Variants in CALN1 observed in about 807,000 individuals in gnomAD.
CALN1 encodes the protein calcium-binding protein 8.
Under a neutral mutation model 30.6 loss-of-function variants are expected in CALN1, and 17 were observed. That is an observed-to-expected ratio of 0.56 (90% CI 0.38 to 0.83). The LOEUF (loss-of-function observed/expected upper bound fraction) is 0.83, where lower values mean the gene tolerates loss of function less well. Among genes scored for constraint, CALN1 ranks in the 40% least tolerant of loss-of-function variants. The pLI is 0.00. For synonymous variants in CALN1, 156 were observed against 131.4 expected, an observed-to-expected ratio of 1.19 and a Z score of -1.28; for missense variants, 291 against 354.9, an observed-to-expected ratio of 0.82 and a Z score of 1.45.
At chr7:71,903,818 T>TC (rs1426574893) in intron 5 of CALN1, among the ~76,000 whole-genome samples, 5 of 152,038 alleles carry the variant, frequency 3.3e-5, no homozygotes, top group Non-Finnish European at 1.5e-5. Context: ...GGGGTTAATA[T>TC]CCCAAAACAT....
At chr7:71,915,522 A>G (rs560959859) in intron 5 of CALN1, among the ~76,000 whole-genome samples, 26 of 152,304 alleles carry the variant, frequency 1.7e-4, no homozygotes, top group African/African-American at 5.1e-4. Flanking sequence ...TCGCAAAGTC[A>G]AGAGATGGAG....
intron 2 of CALN1, among the ~76,000 whole-genome samples, chr7:72,304,801 A>G (rs746505069): frequency 7.9e-5 from 12 of 152,240 alleles, no homozygotes; most frequent in Non-Finnish European, 1.8e-4. Context: ...GATATAAACC[A>G]AAATGTAAAT....
chr7:72,423,285 C>T (rs377504380), intron 1 of CALN1, among the ~76,000 whole-genome samples: 1 of 152,156 alleles, frequency 6.6e-6, no homozygotes, highest in African/African-American at 2.4e-5. Flanking sequence ...CTACTTTCTA[C>T]AAGTCCTATA....
At chr7:72,184,300 T>G (rs1273301667) in intron 3 of CALN1, among the ~76,000 whole-genome samples, 4 of 152,212 alleles carry the variant, frequency 2.6e-5, no homozygotes, top group African/African-American at 9.6e-5. Flanking sequence ...CCTTACTACC[T>G]CTGTGGCCTT....
At position 72,403,397 on chromosome 7, in the gene CALN1, A is replaced by C. The variant is rs550803140; in HGVS notation, c.-28T>G. 3 of 1,523,278 alleles carry C rather than the reference A, an allele frequency of 2.0e-6. No homozygotes were observed. In the African/African-American group the frequency reaches 4.1e-5, roughly 21 times the overall value. The allele number at this position is 1,523,278 out of a possible 1,614,324, so 94.4% of individuals were successfully genotyped here. ...GGGGTCCAGGGCGATGTTCTCAGAG[A>C]GAGTTAGAAGCTCATCAAAGGAACG... is the stretch of plus-strand genomic sequence containing the variant. On this transcript the variant is annotated 5_prime_UTR_variant, in exon 2 of 7. Transcript: ENST00000395275.
intron 4 of CALN1, among the ~76,000 whole-genome samples, chr7:72,071,260 T>C (rs1007375469): frequency 6.6e-6 from 1 of 152,092 alleles, no homozygotes; most frequent in African/African-American, 2.4e-5. Context: ...CCTCCAAATA[T>C]AGGGGTTCCG....
chr7:71,879,804 G>A (rs1437808117), intron 5 of CALN1, among the ~76,000 whole-genome samples: 1 of 152,168 alleles, frequency 6.6e-6, no homozygotes, highest in African/African-American at 2.4e-5. Flanking sequence ...TCACAGAGAT[G>A]GAAAGAGGCT....
At chr7:71,926,173 C>G (rs11761934) in intron 5 of CALN1, among the ~76,000 whole-genome samples, 12 of 152,040 alleles carry the variant, frequency 7.9e-5, no homozygotes, top group Non-Finnish European at 1.8e-4. Flanking sequence ...TTCCTCCTCT[C>G]CCCAACCCCC....
intron 4 of CALN1, among the ~76,000 whole-genome samples, chr7:72,042,521 T>C (rs768728152): frequency 5.9e-5 from 9 of 152,142 alleles, no homozygotes; most frequent in Non-Finnish European, 1.0e-4. Context: ...AAGGTTTTCA[T>C]TGGGAGCTGG....
At chr7:72,230,975 A>G (rs908690534) in intron 3 of CALN1, among the ~76,000 whole-genome samples, 2 of 152,190 alleles carry the variant, frequency 1.3e-5, no homozygotes, top group Admixed American at 1.3e-4. Flanking sequence ...AAGGAGCGTG[A>G]TGAAATCTTA....
intron 1 of CALN1, among the ~76,000 whole-genome samples, chr7:72,437,887 C>T (rs1808224838): frequency 6.8e-6 from 1 of 147,864 alleles, no homozygotes; most frequent in Non-Finnish European, 1.5e-5. Context: ...TTCTTTCCTT[C>T]CTTCCTCCCT....
In CALN1 at chr7:71,799,446, TTTATTTAGTTAGTTAG is replaced by T. The variant is rs1235443021; in HGVS notation, c.658+10874_658+10889del. Among the ~76,000 whole-genome samples the T allele has an allele frequency of 1.7e-3, 235 of 136,446 alleles. 1 individual carries two copies. Among genetic ancestry groups the T allele is most frequent in the African/African-American group, 4.4e-3 (163 of 37,112 alleles). The allele number at this position is 136,446 out of a possible 152,430, so 89.5% of individuals were successfully genotyped here. ...TTTTATTTATTTATTTATTTATTTA[TTTATTTAGTTAGTTAG>T]TTAGTTAGTTAGTTAGTTTTTGAGA... On this transcript the variant is annotated intron_variant, in intron 6 of 6. Coordinates refer to ENST00000395275, the MANE Select transcript of CALN1 (RefSeq NM_031468.4).
intron 3 of CALN1, among the ~76,000 whole-genome samples, chr7:72,275,591 G>A (rs1797283760): frequency 1.3e-5 from 2 of 152,116 alleles, no homozygotes; most frequent in African/African-American, 4.8e-5. Context: ...CAGGCTGAGA[G>A]CCTGGATTAC....
At chr7:72,388,179 T>C (rs1805356333) in intron 2 of CALN1, among the ~76,000 whole-genome samples, 1 of 152,210 alleles carries the variant, frequency 6.6e-6, no homozygotes, top group Non-Finnish European at 1.5e-5. Flanking sequence ...TTACCCTGAT[T>C]TGATCAATAC....
intron 4 of CALN1, among the ~76,000 whole-genome samples, chr7:72,037,741 G>C (rs1466329952): frequency 1.3e-5 from 2 of 152,006 alleles, no homozygotes; most frequent in Admixed American, 1.3e-4. Flanking sequence ...TGGGGAATGG[G>C]GAGCTGTCTT....
intron 4 of CALN1, among the ~76,000 whole-genome samples, chr7:72,044,138 T>A (rs948845534): frequency 1.3e-5 from 2 of 151,854 alleles, no homozygotes; most frequent in East Asian, 3.9e-4. Flanking sequence ...TCAGGTTGAA[T>A]ATGAGAGTTG....
At chr7:72,224,446 TA>T (rs1343643368) in intron 3 of CALN1, among the ~76,000 whole-genome samples, 1 of 152,080 alleles carries the variant, frequency 6.6e-6, no homozygotes, top group Admixed American at 6.6e-5. Flanking sequence ...TGTTCAGAAT[TA>T]AAACCCGTGA....
At chr7:72,175,737 C>T (rs918262141) in intron 3 of CALN1, among the ~76,000 whole-genome samples, 5 of 151,876 alleles carry the variant, frequency 3.3e-5, no homozygotes, top group African/African-American at 1.2e-4. Flanking sequence ...AGTTCCAGCT[C>T]CCTTTCTAAC....
intron 5 of CALN1, among the ~76,000 whole-genome samples, chr7:71,984,638 C>T (rs1798568943): frequency 6.6e-6 from 1 of 152,138 alleles, no homozygotes; most frequent in Non-Finnish European, 1.5e-5. Context: ...TGGAGGGGTA[C>T]AGGAGACCCA....
Sources: allele counts gnomAD v4.1 joint callset (sites outside exome capture counted in the v4.1 genomes callset), GRCh38; gene constraint gnomAD v4.1.1; transcripts MANE v1.5; gene names NCBI Gene and HGNC (gene_info 2026-07-23, HGNC 2026-07-21).